ANKS1B: variants seen among roughly 807,000 people sequenced by gnomAD.
ANKS1B encodes ankyrin repeat and sterile alpha motif domain containing 1B.
A neutral mutation model predicts 148.3 loss-of-function variants in ANKS1B; 36 were observed. The ratio of observed to expected loss-of-function variants is 0.24; its 90% CI spans 0.19 to 0.32. The LOEUF (loss-of-function observed/expected upper bound fraction) is 0.32, where lower values mean the gene tolerates loss of function less well. Ranked by LOEUF, ANKS1B falls within the 10% of genes least tolerant of loss-of-function variation. The pLI, the probability that ANKS1B is intolerant of heterozygous loss-of-function variation, is 1.00. For synonymous variants in ANKS1B, 542 were observed against 560.8 expected (o/e 0.97, Z 0.47); for missense variants, 1,157 against 1,542.6 (o/e 0.75, Z 4.19).
At chr12:99,934,892 C>T (rs765101267) in intron 1 of ANKS1B, among the ~76,000 whole-genome samples, 47 of 151,970 alleles carry the variant, frequency 3.1e-4, no homozygotes, top group Non-Finnish European at 6.3e-4. Flanking sequence ...AGAATCTCTA[C>T]AGAAGGATAT....
chr12:98,875,762 T>G (rs2099687478), intron 17 of ANKS1B, among the ~76,000 whole-genome samples: 1 of 152,172 alleles, frequency 6.6e-6, no homozygotes, highest in Admixed American at 6.6e-5. Context: ...AATCAGGGAC[T>G]GTGTCTACTG....
rs182055221 is a variant in ANKS1B, at chr12:99,907,873, T to A, written c.134+76231A>T. On this transcript the variant is annotated intron_variant, in intron 1 of 26. Coordinates refer to ENST00000683438, the MANE Select transcript of ANKS1B (RefSeq NM_001352186.2). ...CCTGACTGTTCTGATACAAACCTTG[T>A]TAATAGGATGTTCACCTTAAAACTA... Among the ~76,000 whole-genome samples the A allele has an allele frequency of 3.0e-4, 44 of 148,258 alleles. No individual in the cohort carries two copies. In the East Asian group the frequency reaches 8.4e-3, roughly 28 times the overall value.
chr12:99,541,131 A>T (rs1004194075), intron 9 of ANKS1B, among the ~76,000 whole-genome samples: 2 of 152,192 alleles, frequency 1.3e-5, no homozygotes, highest in African/African-American at 4.8e-5. Flanking sequence ...TAATTTCAAA[A>T]CTTTCCATAT....
intron 8 of ANKS1B, among the ~76,000 whole-genome samples, chr12:99,711,177 T>A (rs952720817): frequency 2.0e-5 from 3 of 152,160 alleles, no homozygotes; most frequent in Non-Finnish European, 4.4e-5. Flanking sequence ...GAATGCAAGG[T>A]GCTAATGTTA....
Position 98,757,937 on chromosome 12 carries a change from C to CGT in ANKS1B, c.3580-6417_3580-6416dup, listed in dbSNP as rs34397440. On this transcript the variant is annotated intron_variant, in intron 25 of 26. Coordinates refer to ENST00000683438, the MANE Select transcript of ANKS1B (RefSeq NM_001352186.2). ...AGCTGCATGTGTGTGCATGTGTGCA[C>CGT]GTGTGTGTGTGTGTGTGTGTGCACA... Among the ~76,000 whole-genome samples, 1,078 of 113,160 alleles carry CGT rather than the reference C, an allele frequency of 9.5e-3. 8 individuals carry two copies. The highest frequency in any genetic ancestry group is 0.029 in the African/African-American group (936 of 32,732). 74.2% of individuals were successfully genotyped at this position (113,160 alleles called of 152,430 possible).
chr12:99,542,216 T>C (rs1425114147), intron 9 of ANKS1B, among the ~76,000 whole-genome samples: 1 of 152,190 alleles, frequency 6.6e-6, no homozygotes, highest in Non-Finnish European at 1.5e-5. Flanking sequence ...TTCAGCAAGT[T>C]TGCAGATACA....
chr12:99,549,830 A>G (rs777740612), intron 9 of ANKS1B, among the ~76,000 whole-genome samples: 2 of 152,234 alleles, frequency 1.3e-5, no homozygotes, highest in African/African-American at 4.8e-5. Flanking sequence ...AATTCCACTA[A>G]GGCTTGGGCT....
intron 8 of ANKS1B, among the ~76,000 whole-genome samples, chr12:99,717,540 G>A (rs2057488109): frequency 1.3e-5 from 2 of 152,108 alleles, no homozygotes; most frequent in Non-Finnish European, 2.9e-5. Flanking sequence ...CATCTGTGTG[G>A]GACCCCACTG....
chr12:99,814,245 T>C (rs897435611), intron 2 of ANKS1B, among the ~76,000 whole-genome samples: 32 of 151,686 alleles, frequency 2.1e-4, no homozygotes, highest in African/African-American at 7.5e-4. Context: ...AAGAAACACA[T>C]GACTGTACTT....
intron 14 of ANKS1B, among the ~76,000 whole-genome samples, chr12:99,191,882 C>T (rs1368960519): frequency 6.6e-6 from 1 of 151,930 alleles, no homozygotes; most frequent in Admixed American, 6.6e-5. Context: ...GCCTGTAATC[C>T]CAGCACTTTG....
At chr12:98,812,191 A>G (rs2099101915) in intron 19 of ANKS1B, among the ~76,000 whole-genome samples, 1 of 152,210 alleles carries the variant, frequency 6.6e-6, no homozygotes, top group Non-Finnish European at 1.5e-5. Flanking sequence ...GGGGTCTCAC[A>G]AGACTACAAT....
chr12:99,500,091 C>G (rs1223755026), intron 10 of ANKS1B, among the ~76,000 whole-genome samples: 1 of 152,122 alleles, frequency 6.6e-6, no homozygotes, highest in Admixed American at 6.6e-5. Flanking sequence ...AGTTTCTTCT[C>G]TCTCTGCAGT....
intron 9 of ANKS1B, among the ~76,000 whole-genome samples, chr12:99,611,993 G>C (rs1035775037): frequency 3.3e-5 from 5 of 151,938 alleles, no homozygotes; most frequent in African/African-American, 1.2e-4. Flanking sequence ...TGTATTCAGT[G>C]CCCAGAATAT....
intron 2 of ANKS1B, among the ~76,000 whole-genome samples, chr12:99,819,608 C>T (rs1236313893): frequency 6.6e-6 from 1 of 151,496 alleles, no homozygotes; most frequent in African/African-American, 2.4e-5. Flanking sequence ...AATACAATAA[C>T]GATCTGCTGA....
intron 10 of ANKS1B, among the ~76,000 whole-genome samples, chr12:99,482,406 T>C (rs1335893299): frequency 6.6e-6 from 1 of 152,072 alleles, no homozygotes; most frequent in African/African-American, 2.4e-5. Flanking sequence ...TTTATACCAG[T>C]ATCATGCTGT....
chr12:99,753,292 C>T (rs1468055128), intron 8 of ANKS1B, among the ~76,000 whole-genome samples: 1 of 151,990 alleles, frequency 6.6e-6, no homozygotes, highest in Non-Finnish European at 1.5e-5. Context: ...AAACAATGAG[C>T]AAACACACCA....
At chr12:99,215,645 G>A (rs569128466) in intron 14 of ANKS1B, among the ~76,000 whole-genome samples, 18 of 152,334 alleles carry the variant, frequency 1.2e-4, no homozygotes, top group East Asian at 1.9e-4. Flanking sequence ...TTTAATGACC[G>A]CCCTATTGGA....
chr12:99,437,347 A>G (rs968252723), intron 11 of ANKS1B, among the ~76,000 whole-genome samples: 4 of 151,998 alleles, frequency 2.6e-5, no homozygotes, highest in Admixed American at 1.3e-4. Flanking sequence ...AATTCAACAT[A>G]GAAATTTGGG....
intron 17 of ANKS1B, among the ~76,000 whole-genome samples, chr12:98,851,773 C>T (rs1220889910): frequency 5.9e-5 from 9 of 151,970 alleles, no homozygotes; most frequent in Admixed American, 4.6e-4. Flanking sequence ...TGACTATAAT[C>T]CCAGCACTTT....
Sources: allele counts gnomAD v4.1 joint callset (sites outside exome capture counted in the v4.1 genomes callset), GRCh38; gene constraint gnomAD v4.1.1; transcripts MANE v1.5; gene names NCBI Gene and HGNC (gene_info 2026-07-23, HGNC 2026-07-21).